The following LRP1B variants were observed in gnomAD, a reference collection of about 807,000 sequenced individuals.
The protein encoded by LRP1B is LDL receptor related protein 1B.
LRP1B carries 217 observed loss-of-function variants against 556.6 expected under a neutral mutation model. The observed-to-expected ratio is 0.39, with a 90% CI of 0.35 to 0.44. The LOEUF (loss-of-function observed/expected upper bound fraction) is 0.44. Among genes scored for constraint, LRP1B ranks in the 20% least tolerant of loss-of-function variants. The pLI, the probability that LRP1B is intolerant of heterozygous loss-of-function variation, is 1.00. For synonymous variants in LRP1B, 2,047 were observed against 1,865.8 expected (o/e 1.10, Z -2.50); for missense variants, 5,053 against 5,620.8 (o/e 0.90, Z 3.23).
intron 41 of LRP1B, among the ~76,000 whole-genome samples, chr2:140,632,837 G>A (rs749704989): frequency 8.5e-5 from 13 of 152,122 alleles, no homozygotes; most frequent in South Asian, 2.1e-4. Context: ...GCTGAGGCGC[G>A]TGGGTCACGA....
intron 3 of LRP1B, among the ~76,000 whole-genome samples, chr2:141,350,844 C>T (rs1326215558): frequency 4.0e-5 from 6 of 151,778 alleles, no homozygotes; most frequent in South Asian, 2.1e-4. Flanking sequence ...AGATTTTGGC[C>T]GCCATTGGAA....
chr2:140,821,975 G>T (rs1341981368), intron 31 of LRP1B, among the ~76,000 whole-genome samples: 1 of 151,716 alleles, frequency 6.6e-6, no homozygotes, highest in South Asian at 2.1e-4. Context: ...CTCCAGCCTG[G>T]GCGACAGAGT....
intron 1 of LRP1B, among the ~76,000 whole-genome samples, chr2:141,936,416 A>G (rs1700637272): frequency 6.6e-6 from 1 of 152,224 alleles, no homozygotes; most frequent in Non-Finnish European, 1.5e-5. Context: ...ATATGTTTCT[A>G]TAGACAAACA....
rs70985101 is a variant in LRP1B at position 140,511,292 on chromosome 2, CT to C, written c.8270-1237del. Among the ~76,000 whole-genome samples the C allele has an allele frequency of 8.6e-4, 50 of 58,448 alleles. 1 individual carries two copies. The highest frequency in any genetic ancestry group is 0.022 in the Middle Eastern group (1 of 46). 38.3% of individuals were successfully genotyped at this position (58,448 alleles called of 152,430 possible). A position where few individuals can be genotyped will look rare whatever the true frequency, so the allele number is the denominator to read the frequency against. On this transcript the variant is annotated intron_variant, in intron 51 of 90. Coordinates refer to ENST00000389484, the MANE Select transcript of LRP1B (RefSeq NM_018557.3). ...TATCAAAATACAATCCTCTAAGGGTCTTTTTTTTTTTTTTTTTTTTTTTTTT... is the reference window on the plus strand; with the variant it reads ...TATCAAAATACAATCCTCTAAGGGTCTTTTTTTTTTTTTTTTTTTTTTTTT...
intron 27 of LRP1B, among the ~76,000 whole-genome samples, chr2:140,864,990 G>T (rs1418888005): frequency 6.6e-6 from 1 of 151,970 alleles, no homozygotes; most frequent in East Asian, 1.9e-4. Flanking sequence ...TTTGAACCCA[G>T]GCCATGCCAT....
chr2:140,744,541 G>A (rs995976933), intron 35 of LRP1B, among the ~76,000 whole-genome samples: 1 of 152,160 alleles, frequency 6.6e-6, no homozygotes, highest in Non-Finnish European at 1.5e-5. Context: ...TCACAGAGCG[G>A]CAATTTACTT....
intron 37 of LRP1B, among the ~76,000 whole-genome samples, chr2:140,715,588 C>A (rs1687181623): frequency 6.6e-6 from 1 of 151,806 alleles, no homozygotes; most frequent in Non-Finnish European, 1.5e-5. Flanking sequence ...GTTTGACAAC[C>A]ACAGACACAT....
At chr2:141,291,796 C>CA (rs1247490663) in intron 3 of LRP1B, among the ~76,000 whole-genome samples, 1 of 132,102 alleles carries the variant, frequency 7.6e-6, no homozygotes, top group African/African-American at 3.0e-5. Context: ...GCGGAGCTTG[C>CA]AGTGAGCAGA....
chr2:141,891,295 C>G (rs1248457867), intron 1 of LRP1B, among the ~76,000 whole-genome samples: 2 of 152,108 alleles, frequency 1.3e-5, no homozygotes, highest in African/African-American at 4.8e-5. Context: ...TGGCTGTAAA[C>G]ATTTTAGGCA....
At chr2:141,120,914 G>T (rs1183549246) in intron 7 of LRP1B, among the ~76,000 whole-genome samples, 1 of 151,916 alleles carries the variant, frequency 6.6e-6, no homozygotes, top group Non-Finnish European at 1.5e-5. Flanking sequence ...ACCATGCATT[G>T]CACACTGCAA....
chr2:141,445,359 C>T (rs1681148673), intron 3 of LRP1B, among the ~76,000 whole-genome samples: 1 of 151,962 alleles, frequency 6.6e-6, no homozygotes, highest in African/African-American at 2.4e-5. Flanking sequence ...TTTTGTTCAT[C>T]TTTTCAAAAA....
chr2:142,049,204 C>T lies in LRP1B; in HGVS notation c.82+81444G>A, dbSNP rs554129081. Among the ~76,000 whole-genome samples the T allele has an allele frequency of 2.0e-5, 3 of 152,136 alleles. No homozygotes were observed. The East Asian group carries it at 5.8e-4, about 30-fold the overall frequency. ...CAATCCAGAGAAGACAGATGGTCAACAAAGCATTTCACAGAAAACCTTGTA... is the reference window on the plus strand; with the variant it reads ...CAATCCAGAGAAGACAGATGGTCAATAAAGCATTTCACAGAAAACCTTGTA... On this transcript the variant is annotated intron_variant, in intron 1 of 90. Coordinates refer to ENST00000389484, the MANE Select transcript of LRP1B (RefSeq NM_018557.3).
intron 6 of LRP1B, among the ~76,000 whole-genome samples, chr2:141,208,808 A>C (rs1190895785): frequency 7.4e-6 from 1 of 135,758 alleles, no homozygotes; most frequent in African/African-American, 2.7e-5. Context: ...GGCGGAGCTT[A>C]CAGTGAGCTG....
intron 2 of LRP1B, among the ~76,000 whole-genome samples, chr2:141,776,602 T>C (rs1695083939): frequency 6.6e-6 from 1 of 152,208 alleles, no homozygotes; most frequent in Admixed American, 6.5e-5. Flanking sequence ...GTATCAGTAT[T>C]GCCATAGTGA....
chr2:140,818,495 C>T (rs1237024771), intron 31 of LRP1B, among the ~76,000 whole-genome samples: 1 of 152,134 alleles, frequency 6.6e-6, no homozygotes, highest in Non-Finnish European at 1.5e-5. Context: ...CATCACTATT[C>T]CTATTCCTGG....
chr2:141,622,754 A>G lies in LRP1B; in HGVS notation c.206-142221T>C, dbSNP rs527686037. ...ATCCTATTTTTTGCGTGCTGCTGGG[A>G]TGACATTGTGAACCTCTGATGTTCT... On this transcript the variant is annotated intron_variant, in intron 2 of 90. Coordinates refer to ENST00000389484, the MANE Select transcript of LRP1B (RefSeq NM_018557.3). Among the ~76,000 whole-genome samples the G allele has an allele frequency of 3.3e-5, 5 of 152,300 alleles. 1 individual carries two copies. The highest frequency in any genetic ancestry group is 1.2e-4 in the African/African-American group (5 of 41,580).
Position 141,450,885 on chromosome 2 carries a change from T to G in LRP1B, c.343+29511A>C, listed in dbSNP as rs551930070. On this transcript the variant is annotated intron_variant, in intron 3 of 90. Transcript: ENST00000389484. The stretch of plus-strand genomic sequence containing the variant: ...TATTTGAGCAGTGACAATTATGCCC[T>G]AGGGTCGAAGTATTTTAAGTGTTTA... Among the ~76,000 whole-genome samples the G allele has an allele frequency of 7.9e-5, 12 of 152,278 alleles. No homozygotes were observed. The South Asian group carries it at 2.5e-3, about 32-fold the overall frequency.
intron 1 of LRP1B, among the ~76,000 whole-genome samples, chr2:142,027,687 C>G (rs1161242574): frequency 6.7e-6 from 1 of 149,040 alleles, no homozygotes; most frequent in Non-Finnish European, 1.5e-5. Context: ...CACACACACA[C>G]ACACACACAC....
chr2:141,997,578 G>A (rs2105129225), intron 1 of LRP1B, among the ~76,000 whole-genome samples: 1 of 149,738 alleles, frequency 6.7e-6, no homozygotes, highest in East Asian at 2.0e-4. Flanking sequence ...GAACTCCTGG[G>A]CTCAAGCAAT....
Sources: allele counts gnomAD v4.1 joint callset (sites outside exome capture counted in the v4.1 genomes callset), GRCh38; gene constraint gnomAD v4.1.1; transcripts MANE v1.5; gene names NCBI Gene and HGNC (gene_info 2026-07-23, HGNC 2026-07-21).